The following VWC2 variants were observed in gnomAD, a reference collection of about 807,000 sequenced individuals.
VWC2 encodes von Willebrand factor C domain containing 2, also known as brorin.
A neutral mutation model predicts 29.8 loss-of-function variants in VWC2; 14 were observed. That is an observed-to-expected ratio of 0.47 (90% CI 0.31 to 0.74). VWC2 has a LOEUF of 0.74. Among genes scored for constraint, VWC2 ranks in the 30% least tolerant of loss-of-function variants. VWC2 has a pLI of 0.05. For missense variants in VWC2, 457 were observed against 459.8 expected (o/e 0.99, Z 0.05); for synonymous variants, 213 against 199.0 (o/e 1.07, Z -0.59).
intron 3 of VWC2, among the ~76,000 whole-genome samples, chr7:49,841,997 G>C (rs139767547): frequency 6.6e-6 from 1 of 152,192 alleles, no homozygotes; most frequent in African/African-American, 2.4e-5. Context: ...CTCCTGAGTA[G>C]CTGGGATTAC....
chr7:49,799,075 T>C (rs917669758), intron 2 of VWC2, among the ~76,000 whole-genome samples: 1 of 152,180 alleles, frequency 6.6e-6, no homozygotes, highest in Non-Finnish European at 1.5e-5. Context: ...TTGGCATGGC[T>C]GAAAAGGGCA....
intron 3 of VWC2, among the ~76,000 whole-genome samples, chr7:49,883,907 C>T (rs1479635795): frequency 1.3e-5 from 2 of 152,208 alleles, no homozygotes; most frequent in Non-Finnish European, 1.5e-5. Context: ...ATGCTGGCTT[C>T]GGATTGTCTT....
intron 3 of VWC2, among the ~76,000 whole-genome samples, chr7:49,904,516 T>C (rs1385689587): frequency 6.6e-6 from 1 of 152,220 alleles, no homozygotes; most frequent in Non-Finnish European, 1.5e-5. Flanking sequence ...CACAACTTGA[T>C]TGATTTATTA....
intron 3 of VWC2, among the ~76,000 whole-genome samples, chr7:49,910,954 G>A (rs983070699): frequency 6.6e-6 from 1 of 152,174 alleles, no homozygotes. Flanking sequence ...TGTAATGTAT[G>A]GGAAAGTTTG....
intron 3 of VWC2, among the ~76,000 whole-genome samples, chr7:49,905,595 C>CA (rs1380806859): frequency 2.0e-5 from 3 of 152,176 alleles, no homozygotes; most frequent in African/African-American, 7.2e-5. Context: ...TTGTAAACTA[C>CA]AATACAATAG....
chr7:49,801,998 G>A (rs1364319208), intron 2 of VWC2, among the ~76,000 whole-genome samples: 1 of 152,192 alleles, frequency 6.6e-6, no homozygotes, highest in African/African-American at 2.4e-5. Flanking sequence ...GTGAGTCTGG[G>A]TGGTGACTTG....
At position 49,915,521 on chromosome 7, in the gene VWC2, T is replaced by TA. The variant is rs1392364827; in HGVS notation, c.*3342dup. On this transcript the variant is annotated 3_prime_UTR_variant, in exon 4 of 4. Coordinates refer to ENST00000340652, the MANE Select transcript of VWC2 (RefSeq NM_198570.5). ...TGCATTTATATAAGGTTAAAAGTCC[T>TA]AAAAAATCATAAAATTCAGATGTTT... The TA allele has an allele frequency of 3.3e-5, 5 of 152,190 alleles. No individual in the cohort carries two copies. Among genetic ancestry groups the TA allele is most frequent in the Admixed American group, 3.3e-4 (5 of 15,272 alleles). 9.4% of individuals were successfully genotyped at this position (152,190 alleles called of 1,614,324 possible).
intron 3 of VWC2, among the ~76,000 whole-genome samples, chr7:49,811,580 C>G (rs780316370): frequency 6.6e-6 from 1 of 152,142 alleles, no homozygotes; most frequent in African/African-American, 2.4e-5. Context: ...ATAACCCAGT[C>G]TTAGGATATT....
intron 3 of VWC2, among the ~76,000 whole-genome samples, chr7:49,814,459 C>T (rs1789087743): frequency 6.6e-6 from 1 of 152,084 alleles, no homozygotes; most frequent in African/African-American, 2.4e-5. Context: ...TTTGAATTAG[C>T]ACCTCTTCTT....
chr7:49,893,339 C>G (rs952722210), intron 3 of VWC2, among the ~76,000 whole-genome samples: 8 of 152,122 alleles, frequency 5.3e-5, no homozygotes, highest in Non-Finnish European at 1.2e-4. Flanking sequence ...ATAGCACTCC[C>G]TGGGAGTCAC....
intron 3 of VWC2, among the ~76,000 whole-genome samples, chr7:49,902,761 C>T (rs980402950): frequency 2.6e-5 from 4 of 151,916 alleles, no homozygotes; most frequent in Non-Finnish European, 4.4e-5. Flanking sequence ...TGCATTTGAT[C>T]GCATTGAAAT....
intron 3 of VWC2, among the ~76,000 whole-genome samples, chr7:49,900,467 G>C (rs1328020704): frequency 2.0e-5 from 3 of 151,656 alleles, no homozygotes; most frequent in Non-Finnish European, 4.4e-5. Context: ...AGAAACAAAA[G>C]AGAGGACATC....
At chr7:49,911,287 T>C (rs1005705741) in intron 3 of VWC2, among the ~76,000 whole-genome samples, 2 of 151,660 alleles carry the variant, frequency 1.3e-5, no homozygotes, top group African/African-American at 2.4e-5. Flanking sequence ...ATCGAGACCA[T>C]CCTGGCCAAC....
chr7:49,911,866 C>T (rs1793459751), intron 3 of VWC2, among the ~76,000 whole-genome samples, 168 bp from the exon 4 acceptor site: 1 of 151,182 alleles, frequency 6.6e-6, no homozygotes, highest in Non-Finnish European at 1.5e-5. Context: ...CACTGCACTC[C>T]AGCCTGGGTG....
intron 3 of VWC2, among the ~76,000 whole-genome samples, chr7:49,885,300 A>C (rs1049376228): frequency 1.3e-5 from 2 of 152,168 alleles, no homozygotes; most frequent in African/African-American, 4.8e-5. Context: ...TAATTTCTCA[A>C]CAAATTTCAT....
rs1405168115 is a variant in VWC2, at chr7:49,913,562, T to C, written c.*1377T>C. On this transcript the variant is annotated 3_prime_UTR_variant, in exon 4 of 4. Coordinates refer to ENST00000340652, the MANE Select transcript of VWC2 (RefSeq NM_198570.5). ...AAGGTATTTTTCATATTTTTGTTTA[T>C]TCTGAAATTTTGCATTAAGAACCTA... is the stretch of plus-strand genomic sequence containing the variant. 1 of 152,212 alleles carries C rather than the reference T, an allele frequency of 6.6e-6. No homozygotes were observed. Among genetic ancestry groups the C allele is most frequent in the Non-Finnish European group, 1.5e-5 (1 of 68,040 alleles). 9.4% of individuals were successfully genotyped at this position (152,212 alleles called of 1,614,324 possible). A position where few individuals can be genotyped will look rare whatever the true frequency, so the allele number is the denominator to read the frequency against.
intron 3 of VWC2, among the ~76,000 whole-genome samples, chr7:49,854,834 G>A (rs1454836734): frequency 6.6e-6 from 1 of 152,208 alleles, no homozygotes; most frequent in Non-Finnish European, 1.5e-5. Context: ...TGGTGCACTT[G>A]TCACAACACC....
chr7:49,802,838 A>G lies in VWC2; in HGVS notation c.824A>G (p.Asn275Ser). The G allele has an allele frequency of 6.2e-7, 1 of 1,614,222 alleles. No individual in the cohort carries two copies. The change falls in exon 3 of 4, where the codon AAT becomes AGT. Residue 275 changes from asparagine to serine, a missense_variant and splice_region_variant. Physicochemically the swap from Asn to Ser is conservative, Grantham distance 46 (BLOSUM62 1). This residue lies in a region of VWC2 where 185 missense variants were observed against 257.1 expected (regional missense o/e 0.72). Coordinates refer to ENST00000340652, the MANE Select transcript of VWC2 (RefSeq NM_198570.5). The part of the protein sequence containing the change: ...EPDQCCPICK[N>S]GPNCFAETAV... ...GATCAGTGCTGTCCCATCTGCAAAA[A>G]TGGTATGTGAGATCCCCGTTGGTGA...
rs974640268 is a variant in VWC2 at position 49,919,706 on chromosome 7, AC to A, written c.*7522del. 4 of 152,356 alleles carry A rather than the reference AC, an allele frequency of 2.6e-5. No individual in the cohort carries two copies. Among genetic ancestry groups the A allele is most frequent in the African/African-American group, 9.6e-5 (4 of 41,460 alleles). The allele number at this position is 152,356 out of a possible 1,614,324, so 9.4% of individuals were successfully genotyped here. On this transcript the variant is annotated 3_prime_UTR_variant, in exon 4 of 4. Coordinates refer to ENST00000340652, the MANE Select transcript of VWC2 (RefSeq NM_198570.5). ...AAGATTGTCCCCACTCCAAACAATA[AC>A]AGCAATGGTGAAGGTTGTGGGTGGA...
Sources: allele counts gnomAD v4.1 joint callset (sites outside exome capture counted in the v4.1 genomes callset), GRCh38; gene constraint gnomAD v4.1.1; regional missense constraint gnomAD v4.1.1; transcripts MANE v1.5; gene names NCBI Gene and HGNC (gene_info 2026-07-23, HGNC 2026-07-21).